The following OPCML variants were observed in gnomAD, a reference collection of about 807,000 sequenced individuals.
The protein encoded by OPCML is opioid-binding protein/cell adhesion molecule.
A neutral mutation model predicts 37.8 loss-of-function variants in OPCML; 13 were observed. The observed-to-expected ratio is 0.34, with a 90% CI of 0.22 to 0.55. The LOEUF (loss-of-function observed/expected upper bound fraction) is 0.55. OPCML is among the 20% of genes least tolerant of loss of function. The probability of loss-of-function intolerance (pLI) is 0.91; values close to 1 mark genes in which losing one functional copy is unlikely to be tolerated. For missense variants in OPCML, 341 were observed against 435.6 expected, an observed-to-expected ratio of 0.78 and a Z score of 1.93; for synonymous variants, 176 against 168.8, an observed-to-expected ratio of 1.04 and a Z score of -0.33.
intron 2 of OPCML, among the ~76,000 whole-genome samples, chr11:132,660,797 G>A (rs1941941177): frequency 1.3e-5 from 2 of 152,118 alleles, no homozygotes; most frequent in Admixed American, 1.3e-4. Flanking sequence ...CCTGCTCCAT[G>A]ACAGTCGGCT....
At position 132,477,789 on chromosome 11, in the gene OPCML, T is replaced by C. The variant is rs556017851; in HGVS notation, c.506-40430A>G. Among the ~76,000 whole-genome samples, 6 of 152,330 alleles carry C rather than the reference T, an allele frequency of 3.9e-5. No homozygotes were observed. In the South Asian group the frequency reaches 1.2e-3, roughly 32 times the overall value. ...ATAGACTGATGTATTAAGGTAATCA[T>C]TGACTTTAGGAAAGAGTATTACCTG... On this transcript the variant is annotated intron_variant, in intron 4 of 7. Coordinates refer to ENST00000524381, the MANE Select transcript of OPCML (RefSeq NM_001012393.5).
chr11:132,433,095 A>G (rs1022051179), intron 7 of OPCML, among the ~76,000 whole-genome samples: 5 of 152,140 alleles, frequency 3.3e-5, no homozygotes, highest in Admixed American at 6.6e-5. Flanking sequence ...AGGGTGGGTT[A>G]TAGGGACCGT....
At chr11:133,463,389 C>A (rs940051662) in intron 1 of OPCML, among the ~76,000 whole-genome samples, 4 of 151,934 alleles carry the variant, frequency 2.6e-5, no homozygotes, top group African/African-American at 9.7e-5. Flanking sequence ...AAAATGCTTA[C>A]AATGGTAAAT....
chr11:132,629,738 T>C (rs1939977896), intron 3 of OPCML, among the ~76,000 whole-genome samples: 1 of 152,184 alleles, frequency 6.6e-6, no homozygotes, highest in South Asian at 2.1e-4. Flanking sequence ...TGTGGAAGGT[T>C]GTTCTACTTA....
At chr11:132,494,907 G>A (rs936475535) in intron 4 of OPCML, among the ~76,000 whole-genome samples, 10 of 152,100 alleles carry the variant, frequency 6.6e-5, no homozygotes, top group African/African-American at 1.9e-4. Context: ...GCTATTAATT[G>A]TCTTAAGACT....
intron 1 of OPCML, among the ~76,000 whole-genome samples, chr11:133,414,446 G>C (rs142733943): frequency 6.7e-4 from 102 of 152,272 alleles, no homozygotes; most frequent in African/African-American, 2.1e-3. Context: ...CTTGCTTTCA[G>C]TCATTCTCCC....
chr11:133,497,883 T>C (rs1947819350), intron 1 of OPCML, among the ~76,000 whole-genome samples: 1 of 152,152 alleles, frequency 6.6e-6, no homozygotes, highest in African/African-American at 2.4e-5. Flanking sequence ...TCCCGGCAAA[T>C]TAACCAGCAT....
At chr11:133,025,446 A>G (rs1174258371) in intron 1 of OPCML, 40 of 985,332 alleles carry the variant, frequency 4.1e-5, no homozygotes, top group Non-Finnish European at 4.5e-5. Context: ...ACTGTATTGA[A>G]GAAATCCAAA....
intron 1 of OPCML, among the ~76,000 whole-genome samples, chr11:133,502,744 G>A (rs1255926054): frequency 1.4e-4 from 22 of 152,176 alleles, no homozygotes; most frequent in Admixed American, 1.4e-3. Flanking sequence ...CTGGGGACAG[G>A]TCCCACTATT....
At chr11:132,761,848 T>C (rs538555052) in intron 2 of OPCML, among the ~76,000 whole-genome samples, 1 of 152,314 alleles carries the variant, frequency 6.6e-6, no homozygotes, top group African/African-American at 2.4e-5. Flanking sequence ...TTTTGTTCCA[T>C]TGCTGGTGAG....
At chr11:132,485,303 A>G (rs1757741011) in intron 4 of OPCML, among the ~76,000 whole-genome samples, 1 of 152,182 alleles carries the variant, frequency 6.6e-6, no homozygotes, top group African/African-American at 2.4e-5. Flanking sequence ...GCAGGAGCTA[A>G]CAGGTCTCAC....
At chr11:132,881,332 G>A (rs1943216038) in intron 2 of OPCML, among the ~76,000 whole-genome samples, 1 of 152,218 alleles carries the variant, frequency 6.6e-6, no homozygotes, top group Non-Finnish European at 1.5e-5. Flanking sequence ...CACCTGGGAA[G>A]GGAAGAGGGA....
At chr11:132,464,271 A>G (rs1033454853) in intron 4 of OPCML, among the ~76,000 whole-genome samples, 1 of 152,210 alleles carries the variant, frequency 6.6e-6, no homozygotes, top group Non-Finnish European at 1.5e-5. Flanking sequence ...AGACTGCCAC[A>G]TGGAATATCA....
At chr11:133,046,866 G>A (rs1353054795) in intron 1 of OPCML, among the ~76,000 whole-genome samples, 1 of 152,052 alleles carries the variant, frequency 6.6e-6, no homozygotes, top group Non-Finnish European at 1.5e-5. Context: ...AAATAGAACT[G>A]CCAGTGACAC....
At position 133,040,464 on chromosome 11, in the gene OPCML, C is replaced by T. The variant is rs187991042; in HGVS notation, c.62-97454G>A. On this transcript the variant is annotated intron_variant, in intron 1 of 7. Coordinates refer to ENST00000524381, the MANE Select transcript of OPCML (RefSeq NM_001012393.5). ...GTCAAAGCCTTTCCCCATCTGGCCC[C>T]TCCAGTCCTTCCAAATGGAATGTCC... 2.1e-3 allele frequency among the ~76,000 whole-genome samples: 319 copies of T among 152,360 alleles called. 1 individual carries two copies. The highest frequency in any genetic ancestry group is 7.4e-3 in the African/African-American group (306 of 41,586).
intron 3 of OPCML, among the ~76,000 whole-genome samples, chr11:132,610,662 C>G (rs1381489952): frequency 6.6e-6 from 1 of 152,036 alleles, no homozygotes; most frequent in Non-Finnish European, 1.5e-5. Flanking sequence ...GCCAAAGAAA[C>G]CACATCATTA....
intron 1 of OPCML, among the ~76,000 whole-genome samples, chr11:133,354,294 G>GGTGATGGTGGTGGTGGTA: frequency 2.2e-5 from 1 of 44,594 alleles, no homozygotes; most frequent in African/African-American, 1.5e-4. Context: ...TGGTGGTGCT[G>GGTGATGGTGGTGGTGGTA]GTGGTGGTGA....
At chr11:133,162,677 C>T (rs941290483) in intron 1 of OPCML, among the ~76,000 whole-genome samples, 5 of 152,052 alleles carry the variant, frequency 3.3e-5, no homozygotes, top group East Asian at 1.9e-4. Flanking sequence ...GTTACAGCCA[C>T]GAGGGAAGAA....
intron 1 of OPCML, among the ~76,000 whole-genome samples, chr11:133,217,821 G>T (rs925037849): frequency 6.6e-6 from 1 of 152,228 alleles, no homozygotes; most frequent in South Asian, 2.1e-4. Context: ...GGGATGCCAA[G>T]TCTGGAGGAT....
Sources: allele counts gnomAD v4.1 joint callset (sites outside exome capture counted in the v4.1 genomes callset), GRCh38; gene constraint gnomAD v4.1.1; transcripts MANE v1.5; gene names NCBI Gene and HGNC (gene_info 2026-07-23, HGNC 2026-07-21).